The following SUGCT variants were observed in gnomAD, a reference collection of about 807,000 sequenced individuals.
SUGCT encodes the protein succinyl-CoA:glutarate CoA-transferase.
Under a neutral mutation model 55.0 loss-of-function variants are expected in SUGCT, and 41 were observed. That is an observed-to-expected ratio of 0.74 (90% confidence interval 0.58 to 0.97). The LOEUF (loss-of-function observed/expected upper bound fraction) is 0.97, where lower values mean the gene tolerates loss of function less well. Ranked by LOEUF, SUGCT falls within the 50% of genes least tolerant of loss-of-function variation. The probability of loss-of-function intolerance (pLI) is 0.00; values close to 1 mark genes in which losing one functional copy is unlikely to be tolerated. For synonymous variants in SUGCT, 187 were observed against 200.4 expected (o/e 0.93, Z 0.56); for missense variants, 568 against 547.8 (o/e 1.04, Z -0.37).
intron 13 of SUGCT, among the ~76,000 whole-genome samples, chr7:40,815,758 G>A (rs1375508554): frequency 1.3e-5 from 2 of 152,048 alleles, no homozygotes; most frequent in Non-Finnish European, 2.9e-5. Flanking sequence ...CCCTGTACCA[G>A]GATCTCTGCA....
chr7:40,945,713 C>T, the SUGCT span, among the ~76,000 whole-genome samples: 1 of 152,114 alleles, frequency 6.6e-6, no homozygotes. Context: ...TTATTTGTTC[C>T]CATGGGGTGC....
the SUGCT span, among the ~76,000 whole-genome samples, chr7:40,873,723 G>C: frequency 6.6e-6 from 1 of 152,178 alleles, no homozygotes; most frequent in Non-Finnish European, 1.5e-5. Flanking sequence ...GAGCATTGTT[G>C]AAGATTTTGT....
At chr7:40,350,790 C>A (rs1005303120) in intron 9 of SUGCT, among the ~76,000 whole-genome samples, 4 of 151,986 alleles carry the variant, frequency 2.6e-5, no homozygotes, top group Non-Finnish European at 5.9e-5. Flanking sequence ...TTCCCTCCCC[C>A]GCAACCCCCC....
chr7:40,899,431 G>A, the SUGCT span, among the ~76,000 whole-genome samples: 1 of 152,180 alleles, frequency 6.6e-6, no homozygotes, highest in African/African-American at 2.4e-5. Context: ...CCAGGCTATG[G>A]TGTCAGCCAT....
intron 13 of SUGCT, among the ~76,000 whole-genome samples, chr7:40,776,079 T>C (rs1257113688): frequency 6.6e-6 from 1 of 152,172 alleles, no homozygotes; most frequent in African/African-American, 2.4e-5. Context: ...CAGTTTGCAG[T>C]GAGGTGCCCA....
the SUGCT span, among the ~76,000 whole-genome samples, chr7:40,886,630 C>T: frequency 6.6e-6 from 1 of 152,176 alleles, no homozygotes; most frequent in African/African-American, 2.4e-5. Flanking sequence ...GATGGCTTGA[C>T]TAATACACTA....
At chr7:40,135,627 T>G (rs1055768949) in intron 1 of SUGCT, among the ~76,000 whole-genome samples, 1 of 152,256 alleles carries the variant, frequency 6.6e-6, no homozygotes, top group African/African-American at 2.4e-5. Context: ...GGAATGGTAA[T>G]CCACTATGAA....
chr7:40,636,176 T>C (rs1241737124), intron 12 of SUGCT, among the ~76,000 whole-genome samples: 2 of 152,214 alleles, frequency 1.3e-5, no homozygotes, highest in Non-Finnish European at 2.9e-5. Flanking sequence ...GGCCAGCTTG[T>C]CTCTGTTTCA....
intron 13 of SUGCT, among the ~76,000 whole-genome samples, chr7:40,854,697 C>T (rs897820799): frequency 6.6e-6 from 1 of 151,926 alleles, no homozygotes; most frequent in Admixed American, 6.6e-5. Flanking sequence ...TTCTTAGCTA[C>T]TTGGGAGGCT....
intron 9 of SUGCT, among the ~76,000 whole-genome samples, chr7:40,424,812 T>A (rs1787502127): frequency 6.6e-6 from 1 of 152,136 alleles, no homozygotes; most frequent in Non-Finnish European, 1.5e-5. Flanking sequence ...TTCTGAGGAT[T>A]GGTTTTTTTA....
the SUGCT span, among the ~76,000 whole-genome samples, chr7:40,932,394 T>C: frequency 7.2e-5 from 11 of 152,330 alleles, no homozygotes; most frequent in East Asian, 1.5e-3. Context: ...GACGAATGTA[T>C]GTTCTATTGA....
chr7:40,790,827 CACTG>C (rs1230525580), intron 13 of SUGCT, among the ~76,000 whole-genome samples: 5 of 152,206 alleles, frequency 3.3e-5, no homozygotes, highest in African/African-American at 1.2e-4. Context: ...TGTCTGTAGA[CACTG>C]ACTGGTGTGC....
intron 13 of SUGCT, among the ~76,000 whole-genome samples, chr7:40,802,996 T>G (rs1283281128): frequency 6.6e-6 from 1 of 152,174 alleles, no homozygotes; most frequent in African/African-American, 2.4e-5. Flanking sequence ...CTATTTTTGA[T>G]TCCCAGATTA....
the SUGCT span, among the ~76,000 whole-genome samples, chr7:41,011,915 T>C: frequency 6.6e-6 from 1 of 152,186 alleles, no homozygotes; most frequent in Non-Finnish European, 1.5e-5. Context: ...ACTGTGGCTT[T>C]AGAGCTACTG....
chr7:40,233,366 T>C (rs1342902401), intron 6 of SUGCT, among the ~76,000 whole-genome samples: 1 of 152,036 alleles, frequency 6.6e-6, no homozygotes, highest in Non-Finnish European at 1.5e-5. Context: ...ATTACAGGCA[T>C]GCGCCACCAT....
At chr7:40,991,208 G>A in the SUGCT span, among the ~76,000 whole-genome samples, 1 of 152,130 alleles carries the variant, frequency 6.6e-6, no homozygotes, top group African/African-American at 2.4e-5. Context: ...GTATTGTGGT[G>A]TCTCAAAGGA....
the SUGCT span, among the ~76,000 whole-genome samples, chr7:40,984,317 C>T: frequency 1.3e-5 from 2 of 152,076 alleles, no homozygotes. Flanking sequence ...AGGCATTGTG[C>T]TAGGTGTTCC....
At chr7:40,898,493 G>GA in the SUGCT span, among the ~76,000 whole-genome samples, 1 of 114,906 alleles carries the variant, frequency 8.7e-6, no homozygotes, top group African/African-American at 2.8e-5. Context: ...GGGGGGGGGG[G>GA]GGGGTGGATC....
At chr7:41,020,171 A>G in the SUGCT span, among the ~76,000 whole-genome samples, 1 of 152,246 alleles carries the variant, frequency 6.6e-6, no homozygotes, top group Non-Finnish European at 1.5e-5. Context: ...CAGGTCCCAC[A>G]AAATATCAAA....
Sources: gnomAD v4.1 joint callset for allele counts (sites outside exome capture counted in the v4.1 genomes callset) on GRCh38, gnomAD v4.1.1 for gene constraint, MANE v1.5 for transcripts, NCBI Gene and HGNC (gene_info 2026-07-23, HGNC 2026-07-21) for gene names.